PARP10: variants seen among roughly 807,000 people sequenced by gnomAD.
PARP10 encodes protein mono-ADP-ribosyltransferase PARP10.
In PARP10, 56 loss-of-function variants were observed where a neutral mutation model predicts 82.4. That is an observed-to-expected ratio of 0.68 (90% CI 0.55 to 0.85). The LOEUF (loss-of-function observed/expected upper bound fraction) is 0.85, where lower values mean the gene tolerates loss of function less well. Among genes scored for constraint, PARP10 ranks in the 40% least tolerant of loss-of-function variants. The probability of loss-of-function intolerance (pLI) is 0.00; values close to 1 mark genes in which losing one functional copy is unlikely to be tolerated. For synonymous variants in PARP10, 576 were observed against 601.1 expected, an observed-to-expected ratio of 0.96 and a Z score of 0.61; for missense variants, 1,227 against 1,379.4, an observed-to-expected ratio of 0.89 and a Z score of 1.75.
In PARP10 at chr8:143,986,123, C is replaced by G. The variant is rs1277518370; in HGVS notation, c.113G>C (p.Gly38Ala). ...TLYFENRRRSGGGPVLSWQRL... is the reference protein window; with the variant it reads ...TLYFENRRRSAGGPVLSWQRL... ...CTGCCAGCTCAACACAGGTCCCCCTCCAGAGCGTCGGCGGTTTTCAAAGTA... is the reference window on the plus strand; with the variant it reads ...CTGCCAGCTCAACACAGGTCCCCCTGCAGAGCGTCGGCGGTTTTCAAAGTA... The change falls in exon 2 of 11, where the codon GGA becomes GCA. Residue 38 changes from glycine (G) to alanine (A), a missense_variant. Gly to Ala is a moderately conservative substitution (Grantham distance 60). Transcript: ENST00000313028. 6.2e-7 allele frequency: 1 copy of G among 1,614,008 alleles called. No homozygotes were observed. Among genetic ancestry groups the G allele is most frequent in the African/African-American group, 1.3e-5 (1 of 74,936 alleles).
rs139075709 is a variant in PARP10, at chr8:143,984,789, T to C, written c.1213A>G (p.Met405Val). The part of the protein sequence containing the change: ...LGQEGLVEIA[M>V]DSPEQEGLVG... ...AGCCCCTCTTGCTCTGGTGAGTCCA[T>C]GGCAATTTCCACCAGGCCCTCCTGC... The change falls in exon 5 of 11, where the codon ATG (methionine) becomes GTG (valine). Residue 405 changes from methionine (M) to valine (V), a missense_variant. Transcript: ENST00000313028. The C allele has an allele frequency of 3.7e-6, 6 of 1,611,952 alleles. No individual in the cohort carries two copies. The African/African-American group carries it at 5.4e-5, about 14-fold the overall frequency.
upstream of PARP10, chr8:143,991,556 C>T: frequency 6.3e-7 from 1 of 1,584,996 alleles, no homozygotes; most frequent in Non-Finnish European, 8.6e-7. Context: ...CCTTCCCCCC[C>T]AACCCCTATG....
upstream of PARP10, among the ~76,000 whole-genome samples, chr8:143,996,032 C>T (rs1554751267): frequency 6.6e-6 from 1 of 152,160 alleles, no homozygotes; most frequent in Non-Finnish European, 1.5e-5. Flanking sequence ...GAGCAGAGTC[C>T]CGCTTCCCTA....
chr8:143,983,922 G>C (rs1035128263), intron 7 of PARP10, 86 bp downstream of exon 7: 83 of 1,477,928 alleles, frequency 5.6e-5, no homozygotes, highest in Non-Finnish European at 6.5e-5. Context: ...AGATGGGTCA[G>C]TAGACAGATG....
At position 143,985,734 on chromosome 8, in the gene PARP10, G is replaced by T. The variant is rs1554749154; in HGVS notation, c.423C>A (p.Pro141=). The change falls in exon 3 of 11, where the codon CCC becomes CCA. Residue 141 remains proline, a synonymous_variant. Coordinates refer to ENST00000313028, the MANE Select transcript of PARP10 (RefSeq NM_032789.5). ...PDRALVQLPK[P]LSEADVRVLE... ...CCTGCCTCTCACCTGCCTCAGAAAG[G>T]GGCTTGGGCAACTGGACCAGAGCCC... 1 of 1,606,544 alleles carries T rather than the reference G, an allele frequency of 6.2e-7. No individual in the cohort carries two copies. The highest frequency in any genetic ancestry group is 1.1e-5 in the South Asian group (1 of 90,594).
At chr8:143,981,389 A>T (rs62530287) in intron 9 of PARP10, among the ~76,000 whole-genome samples, 2 of 30,468 alleles carry the variant, frequency 6.6e-5, no homozygotes, top group African/African-American at 3.4e-4. Context: ...GGTGAAGGTG[A>T]TGGTGATGAT....
At position 144,005,643 on chromosome 8, in the gene PARP10, C is replaced by G. The variant is rs142701181; in HGVS notation, c.-80+6887G>C. 1.6e-3 allele frequency among the ~76,000 whole-genome samples: 245 copies of G among 152,062 alleles called. 1 individual carries two copies. The highest frequency in any genetic ancestry group is 5.4e-3 in the African/African-American group (225 of 41,470). On this transcript the variant is annotated intron_variant, in intron 1 of 3. Coordinates refer to the PARP10 transcript ENST00000530478. Reference sequence around the variant, plus strand: ...CTTCTCTGGCCCGGCCGTCCCCTCCCCACAGTGGCTGATTCCCCTCCATCT... The same window carrying G: ...CTTCTCTGGCCCGGCCGTCCCCTCCGCACAGTGGCTGATTCCCCTCCATCT...
intron 1 of PARP10, among the ~76,000 whole-genome samples, chr8:143,996,270 A>T (rs1204864800): frequency 1.3e-5 from 2 of 152,252 alleles, no homozygotes; most frequent in Non-Finnish European, 2.9e-5. Context: ...TCAAAAAACA[A>T]GTTATATACG....
intron 1 of PARP10, among the ~76,000 whole-genome samples, chr8:143,997,647 G>A (rs1834172905): frequency 1.3e-5 from 2 of 152,204 alleles, no homozygotes; most frequent in South Asian, 4.2e-4. Flanking sequence ...TCTCTTTGGA[G>A]AACTTCCAGC....
At position 144,011,414 on chromosome 8, in the gene PARP10, G is replaced by A. The variant is rs549143377; in HGVS notation, c.-80+1116C>T. ...CCAGGCAGAATGCTCAACTCACAGCGATCCCAGCCCTGGCTGACCTTCTTC... is the reference window on the plus strand; with the variant it reads ...CCAGGCAGAATGCTCAACTCACAGCAATCCCAGCCCTGGCTGACCTTCTTC... On this transcript the variant is annotated intron_variant, in intron 1 of 3. Transcript: ENST00000530478. The surrounding 1 kb of genome is among the most constrained non-coding windows in gnomAD (Gnocchi z 4.5). 1.1e-4 allele frequency among the ~76,000 whole-genome samples: 16 copies of A among 152,206 alleles called. No homozygotes were observed. The East Asian group carries it at 2.3e-3, about 22-fold the overall frequency.
upstream of PARP10, chr8:143,991,520 C>T (rs1311640299): frequency 1.3e-6 from 2 of 1,541,448 alleles, no homozygotes; most frequent in South Asian, 1.2e-5. Context: ...AAGGGGGCTA[C>T]CCCCAGGGGC....
chr8:144,000,908 GTTTTTTT>G (rs781813743), intron 1 of PARP10, among the ~76,000 whole-genome samples: 1 of 48,036 alleles, frequency 2.1e-5, no homozygotes, highest in African/African-American at 1.0e-4. Flanking sequence ...TTGTGTGTGT[GTTTTTTT>G]TTTTTTTTTT....
In PARP10 at chr8:143,984,997, C is replaced by T. The variant is rs368685569; in HGVS notation, c.1005G>A (p.Leu335=). Residue 335 remains leucine (L), a synonymous_variant, in exon 5 of 11, where the codon CTG becomes CTA. Coordinates refer to ENST00000313028, the MANE Select transcript of PARP10 (RefSeq NM_032789.5). ...GQEPGQSGTS[L]RTGPMGSLGQ... ...CCAGAGACCCCATGGGACCTGTCCT[C>T]AGAGAGGTCCCTGACTGCCCTGGTT... is the stretch of plus-strand genomic sequence containing the variant. 3 of 1,613,980 alleles carry T rather than the reference C, an allele frequency of 1.9e-6. No individual in the cohort carries two copies. Among genetic ancestry groups the T allele is most frequent in the South Asian group, 1.1e-5 (1 of 91,070 alleles).
chr8:143,977,528 G>A lies in PARP10; in HGVS notation c.3034C>T (p.Pro1012Ser). ...ITCEHVPRAS[P>S]DDPSGLPGRS... ...CCCGGGAGCCCAGAGGGGTCGTCGGGGGAAGCGCGGGGCACGTGCTCGCAG... is the reference window on the plus strand; with the variant it reads ...CCCGGGAGCCCAGAGGGGTCGTCGGAGGAAGCGCGGGGCACGTGCTCGCAG... Residue 1012 changes from proline (P) to serine (S), a missense_variant, in exon 11 of 11, where the codon CCC becomes TCC. Coordinates refer to ENST00000313028, the MANE Select transcript of PARP10 (RefSeq NM_032789.5). 4.5e-6 allele frequency: 7 copies of A among 1,561,112 alleles called. No homozygotes were observed. The highest frequency in any genetic ancestry group is 6.1e-6 in the Non-Finnish European group (7 of 1,152,924).
rs1554746643 is a variant in PARP10 at position 143,977,799 on chromosome 8, G to A, written c.2763C>T (p.Ala921=). The A allele has an allele frequency of 3.7e-6, 6 of 1,601,788 alleles. No homozygotes were observed. The highest frequency in any genetic ancestry group is 1.3e-5 in the African/African-American group (1 of 74,718). ...ATVYGKGVYF[A]RRASLSVQDR... is the part of the protein sequence containing the mutation. ...CCTGCACCGACAGGGAGGCGCGCCT[G>A]GCGAAATACACGCCCTTCCCGTAGA... The change falls in exon 11 of 11, where the codon GCC becomes GCT. Residue 921 remains alanine (A), a synonymous_variant. Coordinates refer to ENST00000313028, the MANE Select transcript of PARP10 (RefSeq NM_032789.5).
In PARP10 at chr8:143,977,316, C is replaced by T. The variant is rs1134030; in HGVS notation, c.*168G>A. On this transcript the variant is annotated 3_prime_UTR_variant, in exon 11 of 11. Transcript: ENST00000313028. ...CCAGGCTGGGACCTAGCCCGGCCCC[C>T]CTCGGCCGCTGCTGACCGCCATCCC... The T allele has an allele frequency of 0.34, 250,894 of 742,080 alleles. 44,471 individuals carry two copies. The highest frequency in any genetic ancestry group is 0.37 in the Non-Finnish European group (173,211 of 470,158). 46.0% of individuals were successfully genotyped at this position (742,080 alleles called of 1,614,324 possible).
upstream of PARP10, among the ~76,000 whole-genome samples, chr8:143,994,441 C>G (rs1834147164): frequency 6.6e-6 from 1 of 152,216 alleles, no homozygotes. Flanking sequence ...ACATCCGTTG[C>G]ACTACCCGCC....
At position 143,985,018 on chromosome 8, in the gene PARP10, T is replaced by A; in HGVS notation, c.984A>T (p.Pro328=). 6.2e-7 allele frequency: 1 copy of A among 1,613,942 alleles called. No homozygotes were observed. The highest frequency in any genetic ancestry group is 8.5e-7 in the Non-Finnish European group (1 of 1,179,970). The stretch of plus-strand genomic sequence containing the variant: ...TCCTCAGAGAGGTCCCTGACTGCCC[T>A]GGTTCCTGGCCAGAGCCTGTTGTCA... ...GIMTTGSGQE[P]GQSGTSLRTG... Residue 328 remains proline, a synonymous_variant, in exon 5 of 11, where the codon CCA becomes CCT. Transcript: ENST00000313028.
At chr8:143,978,705 G>A (rs919803317) in intron 9 of PARP10, among the ~76,000 whole-genome samples, 9 of 152,106 alleles carry the variant, frequency 5.9e-5, no homozygotes, top group Non-Finnish European at 8.8e-5. Context: ...TGGAGTTCAG[G>A]AACTGATGCA....
Sources: gnomAD v4.1 joint callset for allele counts (sites outside exome capture counted in the v4.1 genomes callset) on GRCh38, gnomAD v4.1.1 for gene constraint, Gnocchi (gnomAD v3.1) non-coding constraint, MANE v1.5 for transcripts, NCBI Gene and HGNC (gene_info 2026-07-23, HGNC 2026-07-21) for gene names.